Variants in RAD50 observed in about 807,000 individuals in gnomAD.
RAD50 encodes the protein RAD50 double strand break repair protein.
A neutral mutation model predicts 168.8 loss-of-function variants in RAD50; 132 were observed. The observed-to-expected ratio is 0.78, with a 90% confidence interval of 0.68 to 0.90. The LOEUF is 0.90. Ranked by LOEUF, RAD50 falls within the 40% of genes least tolerant of loss-of-function variation. The pLI is 0.00. For synonymous variants in RAD50, 525 were observed against 497.4 expected (o/e 1.06, Z -0.74); for missense variants, 1,347 against 1,534.4 (o/e 0.88, Z 2.04).
intron 22 of RAD50, 48 bp downstream of exon 22, chr5:132,637,248 C>G (rs1044744991): frequency 1.1e-5 from 18 of 1,582,902 alleles, no homozygotes; most frequent in Non-Finnish European, 1.5e-5. Flanking sequence ...GCCCTCTCCG[C>G]AGCTCTTCCC....
chr5:132,646,028 C>CTG lies in RAD50; in HGVS notation c.*3667_*3668dup. 2 of 140,706 alleles carry CTG rather than the reference C, an allele frequency of 1.4e-5. No individual in the cohort carries two copies. The highest frequency in any genetic ancestry group is 1.5e-4 in the Admixed American group (2 of 12,990). The allele number at this position is 140,706 out of a possible 1,614,324, so 8.7% of individuals were successfully genotyped here. A position where few individuals can be genotyped will look rare whatever the true frequency, so the allele number is the denominator to read the frequency against. ...TCTGAGGGTTCAAGGCTGCAGTGAGCTGTGATTTGTGCCACTGCACCCCAG... is the reference window on the plus strand; with the variant it reads ...TCTGAGGGTTCAAGGCTGCAGTGAGCTGTGTGATTTGTGCCACTGCACCCCAG... On this transcript the variant is annotated 3_prime_UTR_variant, in exon 25 of 25. Transcript: ENST00000378823.
intron 3 of RAD50, among the ~76,000 whole-genome samples, chr5:132,576,726 G>A (rs2149836720): frequency 6.6e-6 from 1 of 152,204 alleles, no homozygotes; most frequent in Admixed American, 6.5e-5. Context: ...TGTTGATACT[G>A]TCTCCATTTC....
Position 132,588,050 on chromosome 5 carries a change from C to T in RAD50, c.1012C>T (p.Leu338Phe). Residue 338 changes from leucine to phenylalanine, a missense_variant, in exon 7 of 25, where the codon CTT (leucine) becomes TTT (phenylalanine). Leu to Phe is a conservative substitution (Grantham distance 22). Coordinates refer to ENST00000378823, the MANE Select transcript of RAD50 (RefSeq NM_005732.4). ...GGAAAAACTAAATAAAGAATCTAGG[C>T]TTCTCAATCAGGAAAAATCAGAACT... Reference protein sequence around the residue: ...ELEKLNKESRLLNQEKSELLV... With the variant: ...ELEKLNKESRFLNQEKSELLV... The T allele has an allele frequency of 6.2e-7, 1 of 1,612,730 alleles. No individual in the cohort carries two copies. Among genetic ancestry groups the T allele is most frequent in the Non-Finnish European group, 8.5e-7 (1 of 1,178,968 alleles).
At chr5:132,574,947 G>A (rs985852170) in intron 2 of RAD50, among the ~76,000 whole-genome samples, 16 of 152,094 alleles carry the variant, frequency 1.1e-4, no homozygotes, top group African/African-American at 2.7e-4. Flanking sequence ...TTTGGTCAAT[G>A]CCATTCAACA....
intron 21 of RAD50, among the ~76,000 whole-genome samples, chr5:132,624,584 T>G (rs1351842746): frequency 6.6e-6 from 1 of 152,104 alleles, no homozygotes; most frequent in Non-Finnish European, 1.5e-5. Flanking sequence ...GAGACACAAA[T>G]CAAAACAGAT....
rs747522239 is a variant in RAD50 at position 132,642,264 on chromosome 5, C to G, written c.3839C>G (p.Ser1280Cys). Residue 1280 changes from serine (S) to cysteine (C), a missense_variant, in exon 25 of 25, where the codon TCT (serine) becomes TGT (cysteine). Coordinates refer to ENST00000378823, the MANE Select transcript of RAD50 (RefSeq NM_005732.4). ...DEDFVELLGR[S>C]EYVEKFYRIK... is the part of the protein sequence containing the mutation. ...GATTTTGTGGAGCTTTTAGGACGTT[C>G]TGAATATGTGGAGAAATTCTACAGG... The G allele has an allele frequency of 3.7e-6, 6 of 1,613,904 alleles. No individual in the cohort carries two copies. Among genetic ancestry groups the G allele is most frequent in the Non-Finnish European group, 3.4e-6 (4 of 1,179,908 alleles).
intron 13 of RAD50, among the ~76,000 whole-genome samples, chr5:132,599,108 A>C (rs1393545130): frequency 3.3e-5 from 5 of 152,102 alleles, no homozygotes; most frequent in Non-Finnish European, 7.4e-5. Flanking sequence ...CCCGTTATTG[A>C]TTGCTTGTAA....
In RAD50 at chr5:132,643,734, G is replaced by GGGGGGGGGGGGGGGGGGGGC; in HGVS notation, c.*1370_*1371insGGGGGGGGGGGGGGGGGGGC. Reference sequence around the variant, plus strand: ...GGGGGTGGTGGTGGGGTGGGGGGGGGTCCTAAATGTAATCACGAGTAAGAT... The same window carrying GGGGGGGGGGGGGGGGGGGGC: ...GGGGGTGGTGGTGGGGTGGGGGGGGGGGGGGGGGGGGGGGGGGGGCTCCTAAATGTAATCACGAGTAAGAT... On this transcript the variant is annotated 3_prime_UTR_variant, in exon 25 of 25. Transcript: ENST00000378823. 5.6e-6 allele frequency: 1 copy of GGGGGGGGGGGGGGGGGGGGC among 177,112 alleles called. No individual in the cohort carries two copies. Among genetic ancestry groups the GGGGGGGGGGGGGGGGGGGGC allele is most frequent in the Non-Finnish European group, 1.2e-5 (1 of 84,830 alleles). 11.0% of individuals were successfully genotyped at this position (177,112 alleles called of 1,614,324 possible).
In RAD50 at chr5:132,603,441, A is replaced by T; in HGVS notation, c.2349A>T (p.Glu783Asp). The T allele has an allele frequency of 6.2e-7, 1 of 1,614,010 alleles. No homozygotes were observed. Among genetic ancestry groups the T allele is most frequent in the Non-Finnish European group, 8.5e-7 (1 of 1,179,926 alleles). ...TLLGTIMPEE[E>D]SAKVCLTDVT... ...TGGGTACAATAATGCCTGAAGAAGA[A>T]AGTGCCAAAGTATGCCTGACAGATG... The change falls in exon 14 of 25, where the codon GAA becomes GAT. Residue 783 changes from glutamate (E) to aspartate (D), a missense_variant. Glu to Asp is a conservative substitution (Grantham distance 45). This residue lies in a region of RAD50 where 635 missense variants were observed against 739.2 expected (regional missense o/e 0.86). Coordinates refer to ENST00000378823, the MANE Select transcript of RAD50 (RefSeq NM_005732.4).
chr5:132,642,469 C>A lies in RAD50; in HGVS notation c.*105C>A. ...TAGTCAATAAGAAAATATATTCTTT[C>A]AAAGGAACATTGTGTCTAGGATTTT... On this transcript the variant is annotated 3_prime_UTR_variant, in exon 25 of 25. Transcript: ENST00000378823. 9.3e-7 allele frequency: 1 copy of A among 1,078,968 alleles called. No homozygotes were observed. Among genetic ancestry groups the A allele is most frequent in the Non-Finnish European group, 1.3e-6 (1 of 745,380 alleles). 66.8% of individuals were successfully genotyped at this position (1,078,968 alleles called of 1,614,324 possible).
intron 5 of RAD50, among the ~76,000 whole-genome samples, chr5:132,582,028 G>C (rs571154572): frequency 6.6e-6 from 1 of 152,294 alleles, no homozygotes; most frequent in Admixed American, 6.5e-5. Flanking sequence ...GAGGTAGCCA[G>C]AGAGGATTTC....
At chr5:132,587,230 A>G (rs967914775) in intron 5 of RAD50, among the ~76,000 whole-genome samples, 15 of 152,250 alleles carry the variant, frequency 9.9e-5, no homozygotes, top group Admixed American at 9.8e-4. Flanking sequence ...AAAAAAATAC[A>G]TTAAATAGTT....
At chr5:132,599,721 C>T (rs1050458256) in intron 13 of RAD50, among the ~76,000 whole-genome samples, 1 of 151,930 alleles carries the variant, frequency 6.6e-6, no homozygotes, top group Non-Finnish European at 1.5e-5. Context: ...CCATGCCCAA[C>T]CAAGAGGACT....
intron 13 of RAD50, among the ~76,000 whole-genome samples, chr5:132,601,735 A>G (rs1026671943): frequency 6.6e-6 from 1 of 152,330 alleles, no homozygotes; most frequent in South Asian, 2.1e-4. Flanking sequence ...CCAAATGACC[A>G]TCAATGATAG....
At chr5:132,581,143 C>T (rs973504951) in intron 5 of RAD50, among the ~76,000 whole-genome samples, 3 of 151,880 alleles carry the variant, frequency 2.0e-5, no homozygotes, top group African/African-American at 7.3e-5. Flanking sequence ...TTTTGTTGCC[C>T]AGGCTGGAGT....
At chr5:132,634,342 C>T (rs773007117) in intron 21 of RAD50, among the ~76,000 whole-genome samples, 15 of 151,700 alleles carry the variant, frequency 9.9e-5, no homozygotes, top group Non-Finnish European at 1.9e-4. Flanking sequence ...TGAATAGGAT[C>T]CTTTTTTTTT....
At chr5:132,564,232 A>C (rs1750170321) in intron 2 of RAD50, among the ~76,000 whole-genome samples, 1 of 152,202 alleles carries the variant, frequency 6.6e-6, no homozygotes, top group Non-Finnish European at 1.5e-5. Flanking sequence ...GATGAGGAAA[A>C]GTTTGGAACT....
intron 2 of RAD50, among the ~76,000 whole-genome samples, chr5:132,572,521 C>A (rs1054405577): frequency 2.6e-4 from 39 of 151,844 alleles, no homozygotes; most frequent in South Asian, 6.2e-4. Context: ...ACCGTGCCAG[C>A]TAATGAAAAG....
chr5:132,591,352 G>C lies in RAD50; in HGVS notation c.1581G>C (p.Gln527His), dbSNP rs777349391. ...TLRKLDQEME[Q>H]LNHHTTTRTQ... ...GTAAACTTGACCAGGAGATGGAGCAGTTAAACCATCATACAACAACACGTA... is the reference window on the plus strand; with the variant it reads ...GTAAACTTGACCAGGAGATGGAGCACTTAAACCATCATACAACAACACGTA... Residue 527 changes from glutamine (Q) to histidine (H), a missense_variant, in exon 10 of 25, where the codon CAG becomes CAC. Around this residue, in one of 3 missense-constraint regions of RAD50, gnomAD observed 703 missense variants for 767.7 expected, o/e 0.92. Transcript: ENST00000378823. 1 of 1,613,968 alleles carries C rather than the reference G, an allele frequency of 6.2e-7. No individual in the cohort carries two copies. The highest frequency in any genetic ancestry group is 1.1e-5 in the South Asian group (1 of 91,084).
Sources: gnomAD v4.1 joint callset for allele counts (sites outside exome capture counted in the v4.1 genomes callset) on GRCh38, gnomAD v4.1.1 for gene constraint, gnomAD v4.1.1 regional missense constraint, MANE v1.5 for transcripts, NCBI Gene and HGNC (gene_info 2026-07-23, HGNC 2026-07-21) for gene names.